GPR137B: variants seen among roughly 807,000 people sequenced by gnomAD.
The protein encoded by GPR137B is integral membrane protein GPR137B.
A neutral mutation model predicts 42.5 loss-of-function variants in GPR137B; 42 were observed. The ratio of observed to expected loss-of-function variants is 0.99; its 90% CI spans 0.77 to 1.28. GPR137B has a LOEUF of 1.28. Among genes scored for constraint, GPR137B ranks in the 50% most tolerant of loss-of-function variants. The pLI, the probability that GPR137B is intolerant of heterozygous loss-of-function variation, is 0.00. For synonymous variants in GPR137B, 218 were observed against 209.7 expected (o/e 1.04, Z -0.34); for missense variants, 487 against 493.9 (o/e 0.99, Z 0.13).
intron 1 of GPR137B, among the ~76,000 whole-genome samples, chr1:236,162,443 G>T (rs182105315): frequency 6.6e-5 from 10 of 152,342 alleles, no homozygotes; most frequent in Non-Finnish European, 1.0e-4. Context: ...CTACAGAAAT[G>T]TGTATAAGTA....
chr1:236,196,303 C>T (rs893162246), intron 5 of GPR137B, among the ~76,000 whole-genome samples: 11 of 152,058 alleles, frequency 7.2e-5, no homozygotes, highest in African/African-American at 2.2e-4. Flanking sequence ...CCACACCCAG[C>T]TAATTTTTGT....
intron 2 of GPR137B, among the ~76,000 whole-genome samples, chr1:236,172,580 G>T (rs531515904): frequency 1.7e-3 from 252 of 152,034 alleles, no homozygotes; most frequent in African/African-American, 5.6e-3. Flanking sequence ...AATTTATTTG[G>T]TTTAAGAAAT....
At position 236,155,089 on chromosome 1, in the gene GPR137B, C is replaced by A. The variant is rs1661980670; in HGVS notation, c.414+12053C>A. 6.6e-6 allele frequency among the ~76,000 whole-genome samples: 1 copy of A among 152,140 alleles called. No individual in the cohort carries two copies. Among genetic ancestry groups the A allele is most frequent in the Admixed American group, 6.5e-5 (1 of 15,278 alleles). The stretch of plus-strand genomic sequence containing the variant: ...AGAGAATCCTGCCAGGGAGGCAGGT[C>A]AGAATTATTTGCCTCCACCTCTGTG... On this transcript the variant is annotated intron_variant, in intron 1 of 6. Coordinates refer to ENST00000366592, the MANE Select transcript of GPR137B (RefSeq NM_003272.4). The surrounding 1 kb of genome is among the most constrained non-coding windows in gnomAD (Gnocchi z 4.6).
intron 1 of GPR137B, among the ~76,000 whole-genome samples, chr1:236,158,383 C>T (rs1412054451): frequency 6.6e-6 from 1 of 152,192 alleles, no homozygotes; most frequent in Admixed American, 6.5e-5. Context: ...GAGATGGCAC[C>T]ACTGCGCTCC....
chr1:236,146,458 G>A (rs558971958), intron 1 of GPR137B, among the ~76,000 whole-genome samples: 2 of 152,262 alleles, frequency 1.3e-5, no homozygotes, highest in South Asian at 2.1e-4. Context: ...GGTCCGAGAT[G>A]GGGAGGAAGC....
At chr1:236,160,852 C>A (rs1384008469) in intron 1 of GPR137B, among the ~76,000 whole-genome samples, 3 of 152,118 alleles carry the variant, frequency 2.0e-5, no homozygotes, top group Admixed American at 6.5e-5. Context: ...GTCTTTGAGG[C>A]CTTGACCACT....
intron 6 of GPR137B, chr1:236,207,383 C>A: frequency 3.8e-6 from 2 of 530,124 alleles, no homozygotes; most frequent in Non-Finnish European, 4.8e-6. Context: ...TAAAACTGTT[C>A]TTTTCCAGTT....
intron 1 of GPR137B, among the ~76,000 whole-genome samples, chr1:236,157,847 T>G (rs560540877): frequency 6.6e-6 from 1 of 152,318 alleles, no homozygotes; most frequent in South Asian, 2.1e-4. Flanking sequence ...TTAGTGAAGA[T>G]GCATGAGCTA....
intron 5 of GPR137B, among the ~76,000 whole-genome samples, chr1:236,195,359 C>T (rs904667548): frequency 4.6e-5 from 7 of 152,082 alleles, no homozygotes; most frequent in African/African-American, 1.4e-4. Context: ...TGAGAACATG[C>T]GATGTTTGTC....
intron 2 of GPR137B, among the ~76,000 whole-genome samples, chr1:236,170,988 A>C (rs997850375): frequency 7.7e-6 from 1 of 129,328 alleles, no homozygotes; most frequent in African/African-American, 4.0e-5. Context: ...AAAAAAAAAA[A>C]AGGAAAAAGA....
At chr1:236,205,636 G>T (rs1663636604) in intron 6 of GPR137B, among the ~76,000 whole-genome samples, 1 of 152,218 alleles carries the variant, frequency 6.6e-6, no homozygotes, top group Non-Finnish European at 1.5e-5. Flanking sequence ...CCGCTCCCAG[G>T]TTCAAGTAAT....
At position 236,150,254 on chromosome 1, in the gene GPR137B, CCTGTGTTTGTGTGTGT is replaced by C. The variant is rs1449214318; in HGVS notation, c.414+7224_414+7239del. Among the ~76,000 whole-genome samples, 1 of 119,118 alleles carries C rather than the reference CCTGTGTTTGTGTGTGT, an allele frequency of 8.4e-6. No homozygotes were observed. The highest frequency in any genetic ancestry group is 2.5e-4 in the East Asian group (1 of 4,056). 78.1% of individuals were successfully genotyped at this position (119,118 alleles called of 152,430 possible). ...GTGTATGTCTGTGCCCGTGTGTGTGCCTGTGTTTGTGTGTGTCTGTGCCTGTGTGTGTCTTTGCCTG... is the reference window on the plus strand; with the variant it reads ...GTGTATGTCTGTGCCCGTGTGTGTGCCTGTGCCTGTGTGTGTCTTTGCCTG... On this transcript the variant is annotated intron_variant, in intron 1 of 6. Transcript: ENST00000366592. This position sits in a 1 kb window ranked among gnomAD's most constrained non-coding sequence, Gnocchi z 6.2.
intron 2 of GPR137B, among the ~76,000 whole-genome samples, chr1:236,170,432 A>G (rs1662499862): frequency 1.3e-5 from 2 of 152,170 alleles, no homozygotes; most frequent in Non-Finnish European, 2.9e-5. Context: ...TGCCTGGGCC[A>G]AGATACAAGT....
rs1158972209 is a variant in GPR137B, at chr1:236,205,194, A to G, written c.1035A>G (p.Arg345=). 6.2e-7 allele frequency: 1 copy of G among 1,613,188 alleles called. No individual in the cohort carries two copies. The highest frequency in any genetic ancestry group is 1.1e-5 in the South Asian group (1 of 91,030). ...PRSYFFDNPR[R]YDSDDDLAWN... ...CTTATTTCTTTGACAACCCTCGAAG[A>G]TATGACAGTGATGATGACCTTGCCT... The change falls in exon 6 of 7, where the codon AGA becomes AGG. Residue 345 remains arginine, a synonymous_variant. Coordinates refer to ENST00000366592, the MANE Select transcript of GPR137B (RefSeq NM_003272.4).
intron 1 of GPR137B, among the ~76,000 whole-genome samples, chr1:236,146,045 A>G (rs1431689083): frequency 6.6e-6 from 1 of 151,966 alleles, no homozygotes; most frequent in African/African-American, 2.4e-5. Flanking sequence ...TTTAGTAGAG[A>G]TGGAGTTTTG....
At chr1:236,201,165 C>T (rs1663482549) in intron 5 of GPR137B, among the ~76,000 whole-genome samples, 1 of 151,976 alleles carries the variant, frequency 6.6e-6, no homozygotes, top group South Asian at 2.1e-4. Context: ...GACCCCAATC[C>T]CTTCTGGCTT....
intron 5 of GPR137B, 66 bp downstream of exon 5, chr1:236,183,972 G>T: frequency 1.8e-6 from 2 of 1,137,544 alleles, no homozygotes; most frequent in Non-Finnish European, 1.3e-6. Flanking sequence ...CCTGCAATTA[G>T]AACTTTTTCT....
intron 1 of GPR137B, among the ~76,000 whole-genome samples, chr1:236,144,261 A>G (rs1423414734): frequency 6.6e-6 from 1 of 152,132 alleles, no homozygotes; most frequent in Non-Finnish European, 1.5e-5. Flanking sequence ...CAAAATGTAC[A>G]AAAATTAGCT....
intron 1 of GPR137B, among the ~76,000 whole-genome samples, chr1:236,144,780 A>G (rs886389523): frequency 1.3e-5 from 2 of 152,254 alleles, no homozygotes; most frequent in East Asian, 1.9e-4. Flanking sequence ...AACTGTGACA[A>G]TGGTGGTATT....
Sources: allele counts gnomAD v4.1 joint callset (sites outside exome capture counted in the v4.1 genomes callset), GRCh38; gene constraint gnomAD v4.1.1; non-coding constraint Gnocchi (gnomAD v3.1); transcripts MANE v1.5; gene names NCBI Gene and HGNC (gene_info 2026-07-23, HGNC 2026-07-21).